NPEPPS: variants seen among roughly 807,000 people sequenced by gnomAD.
NPEPPS encodes the protein puromycin-sensitive aminopeptidase.
NPEPPS carries 14 observed loss-of-function variants against 115.5 expected under a neutral mutation model. The observed-to-expected ratio is 0.12, with a 90% confidence interval of 0.08 to 0.19. NPEPPS has a LOEUF of 0.19. Ranked by LOEUF, NPEPPS falls within the 10% of genes least tolerant of loss-of-function variation. NPEPPS has a pLI of 1.00. For synonymous variants in NPEPPS, 285 were observed against 390.6 expected, an observed-to-expected ratio of 0.73 and a Z score of 3.19; for missense variants, 523 against 1,110.8, an observed-to-expected ratio of 0.47 and a Z score of 7.52.
chr17:47,544,689 T>TTGCC (rs1402143826), intron 1 of NPEPPS, among the ~76,000 whole-genome samples: 1 of 150,646 alleles, frequency 6.6e-6, no homozygotes, highest in Admixed American at 6.7e-5. Flanking sequence ...CTATGCCACC[T>TTGCC]TGCCTGGCTG....
At chr17:47,621,713 A>G (rs775261121) in intron 22 of NPEPPS, 55 bp from the exon 23 acceptor site, 5 of 1,519,742 alleles carry the variant, frequency 3.3e-6, no homozygotes, top group Non-Finnish European at 4.5e-6. Flanking sequence ...ATAACCTGTA[A>G]TATTAACTTC....
chr17:47,560,659 C>T (rs1050781819), intron 2 of NPEPPS, among the ~76,000 whole-genome samples: 2 of 152,112 alleles, frequency 1.3e-5, no homozygotes, highest in Non-Finnish European at 2.9e-5. Context: ...GTTTTCTTTC[C>T]CATTGCAACA....
chr17:47,538,602 T>G (rs1226455077), intron 1 of NPEPPS, among the ~76,000 whole-genome samples: 1 of 146,256 alleles, frequency 6.8e-6, no homozygotes, highest in Non-Finnish European at 1.5e-5. Flanking sequence ...TGATCTCAGC[T>G]CACTGCAACC....
intron 17 of NPEPPS, among the ~76,000 whole-genome samples, chr17:47,610,843 C>CTTTT (rs1913812556): frequency 3.7e-5 from 4 of 108,222 alleles, no homozygotes; most frequent in South Asian, 3.3e-4. Flanking sequence ...CATATGATGA[C>CTTTT]TCTTTTTTTT....
chr17:47,536,309 G>A (rs1908252352), intron 1 of NPEPPS, among the ~76,000 whole-genome samples: 2 of 151,062 alleles, frequency 1.3e-5, no homozygotes, highest in African/African-American at 4.9e-5. Context: ...TTGTTTGGCA[G>A]ATTAAAAATT....
intron 4 of NPEPPS, chr17:47,582,084 C>T (rs1453886144): frequency 2.0e-5 from 3 of 152,320 alleles, no homozygotes; most frequent in Admixed American, 2.0e-4. Flanking sequence ...AAGTTTCTTT[C>T]CTTTATAACT....
intron 1 of NPEPPS, among the ~76,000 whole-genome samples, chr17:47,532,996 T>TC (rs1907935054): frequency 6.6e-6 from 1 of 152,148 alleles, no homozygotes. Flanking sequence ...ATCAGTAGGC[T>TC]CCCACCTTAA....
At chr17:47,543,145 C>CAAAAAA (rs941024934) in intron 1 of NPEPPS, among the ~76,000 whole-genome samples, 6 of 53,052 alleles carry the variant, frequency 1.1e-4, no homozygotes, top group East Asian at 5.6e-4. Flanking sequence ...GACTCCATCT[C>CAAAAAA]AAAAAAAAAA....
Position 47,531,254 on chromosome 17 carries a change from C to T in NPEPPS, c.-47C>T, listed in dbSNP as rs1907734007. 4 of 1,486,348 alleles carry T rather than the reference C, an allele frequency of 2.7e-6. No homozygotes were observed. Among genetic ancestry groups the T allele is most frequent in the East Asian group, 5.0e-5 (2 of 40,116 alleles). 92.1% of individuals were successfully genotyped at this position (1,486,348 alleles called of 1,614,324 possible). On this transcript the variant is annotated 5_prime_UTR_variant, in exon 1 of 23. Coordinates refer to ENST00000322157, the MANE Select transcript of NPEPPS (RefSeq NM_006310.4). ...CCGGCTGGGTCTCTCCCCCGCCCCC[C>T]AGGCTCCCCCGGTCGCTCTCCTCCG...
At chr17:47,546,902 A>G (rs756973723) in intron 2 of NPEPPS, among the ~76,000 whole-genome samples, 3 of 152,238 alleles carry the variant, frequency 2.0e-5, no homozygotes, top group South Asian at 4.1e-4. Context: ...TCACATTTTC[A>G]TAAGTATAAA....
Position 47,524,413 on chromosome 17 carries a change from TC to T in NPEPPS, c.77+1352del, listed in dbSNP as rs199595030. On this transcript the variant is annotated intron_variant, in intron 1 of 5. Coordinates refer to the NPEPPS transcript ENST00000525007. The stretch of plus-strand genomic sequence containing the variant: ...GTCATAGCTTACTGCAGCCTCAAAC[TC>T]CTGGATTCAAGGAATCCTCCCACTT... 9.2e-3 allele frequency among the ~76,000 whole-genome samples: 1,395 copies of T among 152,004 alleles called. 23 individuals carry two copies. Among genetic ancestry groups the T allele is most frequent in the African/African-American group, 0.028 (1,164 of 41,500 alleles).
intron 2 of NPEPPS, among the ~76,000 whole-genome samples, chr17:47,562,001 G>C (rs1306573299): frequency 1.3e-5 from 2 of 152,244 alleles, no homozygotes; most frequent in African/African-American, 4.8e-5. Flanking sequence ...AGAGCTTCCA[G>C]ATAGCTGAAC....
intron 6 of NPEPPS, 148 bp from the exon 7 acceptor site, chr17:47,586,000 C>A (rs1912152719): frequency 1.3e-6 from 1 of 741,328 alleles, no homozygotes; most frequent in Non-Finnish European, 2.1e-6. Flanking sequence ...AAGTTTGGAG[C>A]TAAGGCAGTC....
chr17:47,550,626 A>G (rs1909579055), intron 2 of NPEPPS, among the ~76,000 whole-genome samples: 1 of 128,162 alleles, frequency 7.8e-6, no homozygotes, highest in Non-Finnish European at 1.6e-5. Flanking sequence ...ATATATATAT[A>G]TATAATTTTT....
rs1472441422 is a variant in NPEPPS at position 47,554,198 on chromosome 17, G to T, written c.340+8205G>T. ...TGGGATTACAGGCATGCGCCACCAC[G>T]CCTGGCTAATTTTGTATTTTTAGTA... On this transcript the variant is annotated intron_variant, in intron 2 of 22. Coordinates refer to ENST00000322157, the MANE Select transcript of NPEPPS (RefSeq NM_006310.4). Among the ~76,000 whole-genome samples the T allele has an allele frequency of 2.6e-5, 4 of 151,686 alleles. No individual in the cohort carries two copies. In the South Asian group the frequency reaches 6.3e-4, roughly 24 times the overall value.
At chr17:47,598,664 C>T (rs899799964) in intron 13 of NPEPPS, among the ~76,000 whole-genome samples, 4 of 152,082 alleles carry the variant, frequency 2.6e-5, no homozygotes, top group East Asian at 1.9e-4. Context: ...ATTATTAAGC[C>T]GTAATTTTTT....
intron 1 of NPEPPS, 60 bp downstream of exon 1, chr17:47,531,615 G>T: frequency 1.3e-6 from 2 of 1,514,190 alleles, no homozygotes; most frequent in Non-Finnish European, 1.8e-6. Flanking sequence ...CCGCGCCCGC[G>T]GGCTGGACTC....
At chr17:47,601,569 T>G in intron 14 of NPEPPS, 39 bp from the exon 15 acceptor site, 1 of 1,612,036 alleles carries the variant, frequency 6.2e-7, no homozygotes, top group Non-Finnish European at 8.5e-7. Context: ...ACCTTCTGTT[T>G]GTCCCAGTGC....
upstream of NPEPPS, among the ~76,000 whole-genome samples, chr17:47,529,739 A>T (rs1427367681): frequency 1.0e-3 from 19 of 18,618 alleles, 2 homozygotes; most frequent in African/African-American, 3.8e-3. Context: ...CAGTTACATT[A>T]TATATATATA....
Sources: allele counts gnomAD v4.1 joint callset (sites outside exome capture counted in the v4.1 genomes callset), GRCh38; gene constraint gnomAD v4.1.1; transcripts MANE v1.5; gene names NCBI Gene and HGNC (gene_info 2026-07-23, HGNC 2026-07-21).